Variants in CAPN14 observed in about 807,000 individuals in gnomAD.
CAPN14 encodes the protein calpain-14.
In CAPN14, 94 loss-of-function variants were observed where a neutral mutation model predicts 101.3. The ratio of observed to expected loss-of-function variants is 0.93; its 90% CI spans 0.79 to 1.10. The LOEUF (loss-of-function observed/expected upper bound fraction) is 1.10, where lower values mean the gene tolerates loss of function less well. Ranked by LOEUF, CAPN14 falls within the 50% of genes least tolerant of loss-of-function variation. The probability of loss-of-function intolerance (pLI) is 0.00; values close to 1 mark genes in which losing one functional copy is unlikely to be tolerated. For synonymous variants in CAPN14, 338 were observed against 317.9 expected (o/e 1.06, Z -0.67); for missense variants, 837 against 828.4 (o/e 1.01, Z -0.13).
intron 1 of CAPN14, among the ~76,000 whole-genome samples, chr2:31,233,527 G>C (rs1171746651): frequency 6.6e-6 from 1 of 152,172 alleles, no homozygotes; most frequent in Non-Finnish European, 1.5e-5. Context: ...CTGGAAGGGA[G>C]AGTCTGTTCA....
At position 31,174,334 on chromosome 2, in the gene CAPN14, G is replaced by T. The variant is rs573712350; in HGVS notation, c.*347C>A. 203 of 400,154 alleles carry T rather than the reference G, an allele frequency of 5.1e-4. 2 individuals carry two copies. Among genetic ancestry groups the T allele is most frequent in the African/African-American group, 3.7e-3 (180 of 48,918 alleles). 24.8% of individuals were successfully genotyped at this position (400,154 alleles called of 1,614,324 possible). A position where few individuals can be genotyped will look rare whatever the true frequency, so the allele number is the denominator to read the frequency against. ...GGCATGTCTAAAGTCACTTGAGTTTGCAGCCACAGAGGCAGTGTTGTATGG... is the reference window on the plus strand; with the variant it reads ...GGCATGTCTAAAGTCACTTGAGTTTTCAGCCACAGAGGCAGTGTTGTATGG... On this transcript the variant is annotated 3_prime_UTR_variant, in exon 22 of 22. Coordinates refer to ENST00000403897, the MANE Select transcript of CAPN14 (RefSeq NM_001145122.2).
upstream of CAPN14, among the ~76,000 whole-genome samples, chr2:31,220,187 A>T (rs1242938727): frequency 2.6e-5 from 4 of 152,278 alleles, no homozygotes; most frequent in East Asian, 7.7e-4. Flanking sequence ...GGGGCACTGA[A>T]ATAAGAAGTA....
At chr2:31,200,392 G>A (rs1256895424) in intron 6 of CAPN14, 59 bp downstream of exon 6, 2 of 1,446,314 alleles carry the variant, frequency 1.4e-6, no homozygotes, top group Non-Finnish European at 1.9e-6. Flanking sequence ...TAGTGGTGGT[G>A]GATGGAGGGC....
chr2:31,202,346 T>A, intron 3 of CAPN14, 94 bp from the exon 4 acceptor site: 1 of 881,966 alleles, frequency 1.1e-6, no homozygotes, highest in Non-Finnish European at 1.8e-6. Flanking sequence ...TCTCTGGGCT[T>A]GTAGCCCAGT....
chr2:31,182,288 C>T (rs1680684828), intron 16 of CAPN14, among the ~76,000 whole-genome samples: 1 of 149,782 alleles, frequency 6.7e-6, no homozygotes, highest in Admixed American at 6.7e-5. Context: ...ACAGGGATGC[C>T]CTCTCTCACC....
chr2:31,177,697 G>C (rs1417559431), intron 19 of CAPN14, 49 bp downstream of exon 19: 1 of 1,359,028 alleles, frequency 7.4e-7, no homozygotes. Flanking sequence ...CCTGATGAGT[G>C]TGCACCCTGC....
At chr2:31,200,006 T>C (rs568486287) in intron 6 of CAPN14, among the ~76,000 whole-genome samples, 57 of 152,252 alleles carry the variant, frequency 3.7e-4, no homozygotes, top group African/African-American at 1.3e-3. Context: ...TCTGGTTTTT[T>C]TGTTTTTGCT....
In CAPN14 at chr2:31,177,741, C is replaced by T; in HGVS notation, c.1855+5G>A. 6.5e-7 allele frequency: 1 copy of T among 1,550,374 alleles called. No individual in the cohort carries two copies. The highest frequency in any genetic ancestry group is 8.7e-7 in the Non-Finnish European group (1 of 1,145,582). On this transcript the variant is annotated splice_donor_5th_base_variant and intron_variant, in intron 19 of 21. Coordinates refer to ENST00000403897, the MANE Select transcript of CAPN14 (RefSeq NM_001145122.2). ...GCCCACAGCTCCAGCTCTTCCTGTG[C>T]CTACCTGCCTCCCTCATGGCAGCGT... is the stretch of plus-strand genomic sequence containing the variant.
At chr2:31,195,816 C>T (rs936972067) in intron 8 of CAPN14, among the ~76,000 whole-genome samples, 19 of 152,176 alleles carry the variant, frequency 1.2e-4, no homozygotes, top group East Asian at 5.8e-4. Context: ...TAAAAAAAGT[C>T]CAATATTCTT....
At chr2:31,213,309 A>G (rs745799859) in intron 1 of CAPN14, among the ~76,000 whole-genome samples, 29 of 152,376 alleles carry the variant, frequency 1.9e-4, no homozygotes, top group Non-Finnish European at 4.0e-4. Flanking sequence ...AAGACTTGAC[A>G]AAAGTCTAAA....
rs185360710 is a variant in CAPN14, at chr2:31,229,930, T to A, written c.-176-3279A>T. Among the ~76,000 whole-genome samples, 292 of 152,348 alleles carry A rather than the reference T, an allele frequency of 1.9e-3. 3 individuals carry two copies. The highest frequency in any genetic ancestry group is 6.5e-3 in the African/African-American group (271 of 41,584). On this transcript the variant is annotated intron_variant and NMD_transcript_variant, in intron 1 of 21. Transcript: ENST00000398824. ...AAACATTAATGAAATTGTATGATTC[T>A]ATGCATAATAGCCTACTTCTGGCTT...
intron 2 of CAPN14, among the ~76,000 whole-genome samples, chr2:31,223,713 A>T (rs1236560846): frequency 6.6e-6 from 1 of 151,840 alleles, no homozygotes; most frequent in East Asian, 1.9e-4. Flanking sequence ...TATTTTTAGT[A>T]GAGATGAGGT....
chr2:31,184,654 T>G (rs1425103455), intron 16 of CAPN14, among the ~76,000 whole-genome samples: 2 of 152,232 alleles, frequency 1.3e-5, no homozygotes, highest in Non-Finnish European at 2.9e-5. Flanking sequence ...TTGCGTCTAT[T>G]GATGCTTTTC....
In CAPN14 at chr2:31,186,367, G is replaced by A. The variant is rs1294626729; in HGVS notation, c.1645+61C>T. 2.5e-6 allele frequency: 3 copies of A among 1,224,138 alleles called. No homozygotes were observed. In the East Asian group the frequency reaches 8.3e-5, roughly 34 times the overall value. 75.8% of individuals were successfully genotyped at this position (1,224,138 alleles called of 1,614,324 possible). Reference sequence around the variant, plus strand: ...TCCCACCAAGGGAAAGAGAAACAAAGCCAGAGTTTAGAAAAGTTGCATCCC... The same window carrying A: ...TCCCACCAAGGGAAAGAGAAACAAAACCAGAGTTTAGAAAAGTTGCATCCC... On this transcript the variant is annotated intron_variant, in intron 16 of 21. Transcript: ENST00000403897.
chr2:31,176,977 TG>T, intron 20 of CAPN14, 48 bp downstream of exon 20: 1 of 1,323,892 alleles, frequency 7.6e-7, no homozygotes, highest in Non-Finnish European at 1.1e-6. Flanking sequence ...TGGGAAGTCA[TG>T]GGGCAGCAGA....
At chr2:31,206,031 TTTATTTA>T (rs1682065476) in intron 1 of CAPN14, among the ~76,000 whole-genome samples, 1 of 110,932 alleles carries the variant, frequency 9.0e-6, no homozygotes, top group African/African-American at 3.2e-5. Flanking sequence ...ATTTTTTTTA[TTTATTTA>T]TTTTTTTTTT....
upstream of CAPN14, among the ~76,000 whole-genome samples, chr2:31,221,622 T>C (rs1682864671): frequency 6.6e-6 from 1 of 152,182 alleles, no homozygotes; most frequent in African/African-American, 2.4e-5. Flanking sequence ...GCAGAAAATG[T>C]ATTTGTATTT....
chr2:31,183,856 T>C (rs909086083), intron 16 of CAPN14, among the ~76,000 whole-genome samples: 22 of 127,974 alleles, frequency 1.7e-4, no homozygotes, highest in African/African-American at 5.7e-4. Context: ...CCTCCCTCCC[T>C]CTCTCTCTCT....
chr2:31,205,808 TG>T (rs1294620232), intron 1 of CAPN14, among the ~76,000 whole-genome samples: 4 of 152,048 alleles, frequency 2.6e-5, no homozygotes, highest in Admixed American at 2.6e-4. Flanking sequence ...TTCTGCTTAG[TG>T]GGGAGGCAGG....
Sources: gnomAD v4.1 joint callset for allele counts (sites outside exome capture counted in the v4.1 genomes callset) on GRCh38, gnomAD v4.1.1 for gene constraint, MANE v1.5 for transcripts, NCBI Gene and HGNC (gene_info 2026-07-23, HGNC 2026-07-21) for gene names.